IL36G: variants seen among roughly 807,000 people sequenced by gnomAD.
IL36G encodes interleukin 36 gamma, also known as interleukin-36 gamma.
Under a neutral mutation model 13.5 loss-of-function variants are expected in IL36G, and 10 were observed. The observed-to-expected ratio is 0.74, with a 90% CI of 0.46 to 1.26. IL36G has a LOEUF of 1.26. Ranked by LOEUF, IL36G falls within the 50% of genes most tolerant of loss-of-function variation. The pLI is 0.00. For missense variants in IL36G, 199 were observed against 203.0 expected (o/e 0.98, Z 0.12); for synonymous variants, 84 against 74.0 (o/e 1.13, Z -0.69).
intron 4 of IL36G, among the ~76,000 whole-genome samples, chr2:112,984,379 T>C (rs1026225767): frequency 6.6e-6 from 1 of 152,212 alleles, no homozygotes; most frequent in Non-Finnish European, 1.5e-5. Flanking sequence ...GTCTTTTTCA[T>C]TGGTATTTAT....
At chr2:112,981,898 G>A (rs191840179) in intron 4 of IL36G, among the ~76,000 whole-genome samples, 1 of 151,816 alleles carries the variant, frequency 6.6e-6, no homozygotes, top group African/African-American at 2.4e-5. Flanking sequence ...GTTTGTCCTC[G>A]TTCCACAAAC....
rs1285374855 is a variant in IL36G, at chr2:112,985,512, A to T, written c.*463A>T. The T allele has an allele frequency of 6.4e-6, 1 of 157,054 alleles. No homozygotes were observed. The highest frequency in any genetic ancestry group is 1.4e-5 in the Non-Finnish European group (1 of 70,616). 9.7% of individuals were successfully genotyped at this position (157,054 alleles called of 1,614,324 possible). ...CAATATACCTCATTGTGTGTAATAGAACCTTCTTAGCATTAAGACCTTGTA... is the reference window on the plus strand; with the variant it reads ...CAATATACCTCATTGTGTGTAATAGTACCTTCTTAGCATTAAGACCTTGTA... On this transcript the variant is annotated 3_prime_UTR_variant, in exon 5 of 5. Coordinates refer to ENST00000259205, the MANE Select transcript of IL36G (RefSeq NM_019618.4).
In IL36G at chr2:112,985,253, T is replaced by G; in HGVS notation, c.*204T>G. ...GATGTGGCCTCAGAAGCAGGAGAGC[T>G]GGGTGGTATAAGGCTGTCCTCTCAA... On this transcript the variant is annotated 3_prime_UTR_variant, in exon 5 of 5. Transcript: ENST00000259205. The G allele has an allele frequency of 1.8e-6, 1 of 561,138 alleles. No homozygotes were observed. The highest frequency in any genetic ancestry group is 3.2e-6 in the Non-Finnish European group (1 of 313,820). 34.8% of individuals were successfully genotyped at this position (561,138 alleles called of 1,614,324 possible). A position where few individuals can be genotyped will look rare whatever the true frequency, so the allele number is the denominator to read the frequency against.
intron 4 of IL36G, 25 bp from the exon 5 acceptor site, chr2:112,984,815 A>G (rs377335667): frequency 6.3e-7 from 1 of 1,580,128 alleles, no homozygotes. Flanking sequence ...GTTTCTCCTA[A>G]TGGGTACTTG....
At chr2:112,982,455 T>A (rs1256275097) in intron 4 of IL36G, among the ~76,000 whole-genome samples, 2 of 152,146 alleles carry the variant, frequency 1.3e-5, no homozygotes, top group African/African-American at 4.8e-5. Context: ...AACAGAGGAA[T>A]GGCGTGAAGG....
At chr2:112,981,498 G>A (rs113394284) in intron 4 of IL36G, 90 of 569,176 alleles carry the variant, frequency 1.6e-4, no homozygotes, top group African/African-American at 1.4e-3. Flanking sequence ...GCGGGTTTTG[G>A]TCAGTCTGGG....
At position 112,984,994 on chromosome 2, in the gene IL36G, C is replaced by T. The variant is rs750888982; in HGVS notation, c.455C>T (p.Thr152Ile). ...SSKRDQPIIL[T>I]SELGKSYNTA... ...AAGAGAGACCAGCCCATCATTCTGA[C>T]TTCAGAACTTGGGAAGTCATACAAC... is the stretch of plus-strand genomic sequence containing the variant. The change falls in exon 5 of 5, where the codon ACT becomes ATT. Residue 152 changes from threonine to isoleucine, a missense_variant. Coordinates refer to ENST00000259205, the MANE Select transcript of IL36G (RefSeq NM_019618.4). 5.0e-6 allele frequency: 8 copies of T among 1,613,990 alleles called. No homozygotes were observed. Among genetic ancestry groups the T allele is most frequent in the African/African-American group, 1.3e-5 (1 of 74,896 alleles).
rs1349099031 is a variant in IL36G at position 112,978,554 on chromosome 2, G to A, written c.-19-66G>A. The A allele has an allele frequency of 4.8e-6, 6 of 1,253,438 alleles. No individual in the cohort carries two copies. In the African/African-American group the frequency reaches 5.9e-5, roughly 12 times the overall value. 77.6% of individuals were successfully genotyped at this position (1,253,438 alleles called of 1,614,324 possible). A position where few individuals can be genotyped will look rare whatever the true frequency, so the allele number is the denominator to read the frequency against. ...CCTGTCTAGAATGAGGGCCTGTGGA[G>A]CTAGTGTCCTGGAAGGTCTTGGAAA... On this transcript the variant is annotated intron_variant, in intron 1 of 4. Transcript: ENST00000259205.
At chr2:112,978,714 A>C in intron 2 of IL36G, 21 bp downstream of exon 2, 4 of 1,613,114 alleles carry the variant, frequency 2.5e-6, no homozygotes, top group Non-Finnish European at 3.4e-6. Context: ...TGCTGTTGGG[A>C]TGGGGCTCTG....
chr2:112,981,573 CATTTCTTCAAGTAT>C (rs1158525286), intron 4 of IL36G: 4 of 373,364 alleles, frequency 1.1e-5, no homozygotes, highest in Non-Finnish European at 2.0e-5. Flanking sequence ...TCTTGGCCAT[CATTTCTTCAAGTAT>C]ATTCTCACCC....
At chr2:112,981,040 C>A in intron 4 of IL36G, 1 of 634,858 alleles carries the variant, frequency 1.6e-6, no homozygotes, top group Admixed American at 2.4e-5. Context: ...GTTCTGGGTG[C>A]TAACAACATA....
In IL36G at chr2:112,985,059, A is replaced by C. The variant is rs2105014932; in HGVS notation, c.*10A>C. ...AAATATAAATGACTGAACTCAGCCT[A>C]GAGGTGGCAGCTTGGTCTTTGTCTT... On this transcript the variant is annotated 3_prime_UTR_variant, in exon 5 of 5. Coordinates refer to ENST00000259205, the MANE Select transcript of IL36G (RefSeq NM_019618.4). 6.3e-7 allele frequency: 1 copy of C among 1,593,412 alleles called. No homozygotes were observed. Among genetic ancestry groups the C allele is most frequent in the East Asian group, 2.2e-5 (1 of 44,740 alleles).
chr2:112,978,749 G>T (rs900139030), intron 2 of IL36G, 56 bp downstream of exon 2: 2 of 1,530,832 alleles, frequency 1.3e-6, no homozygotes, highest in Non-Finnish European at 1.8e-6. Context: ...CTGCACTCAC[G>T]CTATCTCCTG....
chr2:112,978,673 G>A lies in IL36G; in HGVS notation c.35G>A (p.Gly12Glu). ...RGTPGDADGG[G>E]RAVYQSMCKP... ...ACTCCAGGAGACGCTGATGGTGGAG[G>A]AAGGGCCGTCTATCAATCAAGTGAA... Residue 12 changes from glycine to glutamate, a missense_variant, in exon 2 of 5, where the codon GGA becomes GAA. Gly to Glu is a moderately conservative substitution (Grantham distance 98). Coordinates refer to ENST00000259205, the MANE Select transcript of IL36G (RefSeq NM_019618.4). 6.2e-7 allele frequency: 1 copy of A among 1,614,176 alleles called. No homozygotes were observed. Among genetic ancestry groups the A allele is most frequent in the Non-Finnish European group, 8.5e-7 (1 of 1,180,020 alleles).
intron 4 of IL36G, among the ~76,000 whole-genome samples, chr2:112,983,004 T>G (rs150939197): frequency 1.7e-3 from 262 of 152,276 alleles, no homozygotes; most frequent in Non-Finnish European, 2.1e-3. Flanking sequence ...TGGGAATGAC[T>G]AAGAAGAGCA....
chr2:112,978,580 C>T, intron 1 of IL36G, 40 bp from the exon 2 acceptor site: 5 of 1,527,562 alleles, frequency 3.3e-6, no homozygotes, highest in Admixed American at 1.7e-5. Flanking sequence ...GTCTTGGAAA[C>T]ATCTCTTGTG....
chr2:112,981,559 A>C, intron 4 of IL36G: 1 of 408,936 alleles, frequency 2.4e-6, no homozygotes, highest in Non-Finnish European at 4.5e-6. Context: ...AACCTTTGAT[A>C]TATTCTTGGC....
In IL36G at chr2:112,979,172, CA is replaced by C. The variant is rs773916070; in HGVS notation, c.56-48del. On this transcript the variant is annotated intron_variant, in intron 2 of 4. Coordinates refer to ENST00000259205, the MANE Select transcript of IL36G (RefSeq NM_019618.4). Reference sequence around the variant, plus strand: ...TACTTTTCTCCTGGGTCTAGTAAAGCAGCCTTGATTATAATATTTCTTCATT... The same window carrying C: ...TACTTTTCTCCTGGGTCTAGTAAAGCGCCTTGATTATAATATTTCTTCATT... 1.8e-5 allele frequency: 22 copies of C among 1,228,102 alleles called. No individual in the cohort carries two copies. The Admixed American group carries it at 3.7e-4, about 21-fold the overall frequency. The allele number at this position is 1,228,102 out of a possible 1,614,324, so 76.1% of individuals were successfully genotyped here.
At chr2:112,979,544 G>A (rs897647647) in intron 3 of IL36G, among the ~76,000 whole-genome samples, 1 of 152,210 alleles carries the variant, frequency 6.6e-6, no homozygotes, top group African/African-American at 2.4e-5. Context: ...GAAAGCTGCT[G>A]TCAGTCATCT....
Sources: allele counts gnomAD v4.1 joint callset (sites outside exome capture counted in the v4.1 genomes callset), GRCh38; gene constraint gnomAD v4.1.1; transcripts MANE v1.5; gene names NCBI Gene and HGNC (gene_info 2026-07-23, HGNC 2026-07-21).